The following CBLB variants were observed in gnomAD, a reference collection of about 807,000 sequenced individuals.
The protein encoded by CBLB is Cbl proto-oncogene B, also known as E3 ubiquitin-protein ligase CBL-B.
A neutral mutation model predicts 104.9 loss-of-function variants in CBLB; 31 were observed. That is an observed-to-expected ratio of 0.30 (90% CI 0.22 to 0.40). CBLB has a LOEUF of 0.40. Ranked by LOEUF, CBLB falls within the 10% of genes least tolerant of loss-of-function variation. The pLI, the probability that CBLB is intolerant of heterozygous loss-of-function variation, is 1.00. For missense variants in CBLB, 1,062 were observed against 1,214.6 expected (o/e 0.87, Z 1.87); for synonymous variants, 440 against 422.6 (o/e 1.04, Z -0.51).
In CBLB at chr3:105,713,106, T is replaced by C. The variant is rs544260117; in HGVS notation, c.1407+6941A>G. On this transcript the variant is annotated intron_variant, in intron 10 of 18. Coordinates refer to ENST00000394030, the MANE Select transcript of CBLB (RefSeq NM_170662.5). ...GCATTAGAGTGAGACCCCATCTTTGTTAATTTACTTTAAAAATAATATTAA... is the reference window on the plus strand; with the variant it reads ...GCATTAGAGTGAGACCCCATCTTTGCTAATTTACTTTAAAAATAATATTAA... Among the ~76,000 whole-genome samples the C allele has an allele frequency of 8.5e-4, 130 of 152,234 alleles. 1 individual carries two copies. The South Asian group carries it at 0.026, about 31-fold the overall frequency.
intron 2 of CBLB, among the ~76,000 whole-genome samples, chr3:105,862,390 G>A (rs1167741859): frequency 6.6e-6 from 1 of 151,902 alleles, no homozygotes; most frequent in Non-Finnish European, 1.5e-5. Context: ...GAGTCAACTA[G>A]GCTGAAAACC....
intron 4 of CBLB, among the ~76,000 whole-genome samples, chr3:105,760,033 T>C (rs1259815873): frequency 1.3e-5 from 2 of 152,218 alleles, no homozygotes; most frequent in Non-Finnish European, 2.9e-5. Flanking sequence ...AAATCTATAA[T>C]CATATTTTTA....
chr3:105,863,078 A>C (rs1375067483), intron 2 of CBLB, among the ~76,000 whole-genome samples: 1 of 152,244 alleles, frequency 6.6e-6, no homozygotes, highest in Non-Finnish European at 1.5e-5. Context: ...TAAAAAGAAG[A>C]AAGAAATAGA....
At chr3:105,792,801 A>G (rs1237762025) in intron 3 of CBLB, among the ~76,000 whole-genome samples, 1 of 152,110 alleles carries the variant, frequency 6.6e-6, no homozygotes, top group African/African-American at 2.4e-5. Flanking sequence ...TCCCTCAATA[A>G]TCTCCATCAA....
rs117832723 is a variant in CBLB, at chr3:105,774,092, G to A, written c.566+2304C>T. On this transcript the variant is annotated intron_variant, in intron 4 of 18. Transcript: ENST00000394030. ...CAAGAGGTGGTTAGATCTTGAGGGC[G>A]CTGCCCTCATGAATGGATTAATGGT... Among the ~76,000 whole-genome samples, 8 of 152,302 alleles carry A rather than the reference G, an allele frequency of 5.3e-5. No individual in the cohort carries two copies. The East Asian group carries it at 1.2e-3, about 22-fold the overall frequency.
intron 9 of CBLB, 150 bp from the exon 10 acceptor site, chr3:105,720,400 G>T: frequency 1.5e-6 from 1 of 672,494 alleles, no homozygotes; most frequent in South Asian, 1.7e-5. Context: ...AGTGGTAGTG[G>T]GTATAGAACA....
At chr3:105,782,578 CTTT>C (rs11333516) in intron 3 of CBLB, among the ~76,000 whole-genome samples, 8 of 137,480 alleles carry the variant, frequency 5.8e-5, no homozygotes, top group Admixed American at 7.3e-5. Flanking sequence ...CTTTTCTTTT[CTTT>C]TTTTTTTTTT....
At chr3:105,801,368 T>C (rs1269241434) in intron 3 of CBLB, among the ~76,000 whole-genome samples, 2 of 152,210 alleles carry the variant, frequency 1.3e-5, no homozygotes. Context: ...AAGCATATTT[T>C]TAATATTTTA....
intron 9 of CBLB, among the ~76,000 whole-genome samples, chr3:105,733,185 G>A (rs571008446): frequency 3.3e-5 from 5 of 151,980 alleles, no homozygotes; most frequent in South Asian, 4.2e-4. Flanking sequence ...GTGAAACCCC[G>A]TCTCTACTAA....
chr3:105,865,834 T>C (rs943878839), intron 2 of CBLB, among the ~76,000 whole-genome samples: 5 of 152,168 alleles, frequency 3.3e-5, no homozygotes, highest in African/African-American at 1.2e-4. Flanking sequence ...TCCACTTACG[T>C]AGCAGATAAG....
chr3:105,674,087 T>A (rs948408436), intron 17 of CBLB: 1 of 152,182 alleles, frequency 6.6e-6, no homozygotes, highest in Admixed American at 6.5e-5. Context: ...TTAAAGCAAA[T>A]CCCCAGGAGA....
intron 4 of CBLB, among the ~76,000 whole-genome samples, chr3:105,765,395 T>C (rs561615934): frequency 3.2e-4 from 49 of 152,254 alleles, no homozygotes; most frequent in African/African-American, 1.2e-3. Flanking sequence ...TGTGAGGATA[T>C]TGCAAAAAGA....
chr3:105,833,424 A>T (rs1229388516), intron 3 of CBLB, among the ~76,000 whole-genome samples: 1 of 152,220 alleles, frequency 6.6e-6, no homozygotes, highest in African/African-American at 2.4e-5. Context: ...TGATCAGTTA[A>T]AACTAAAGAC....
intron 8 of CBLB, among the ~76,000 whole-genome samples, chr3:105,736,449 T>C (rs149564681): frequency 3.9e-5 from 6 of 152,338 alleles, no homozygotes; most frequent in Non-Finnish European, 5.9e-5. Context: ...CAGTACAAGA[T>C]GCAGAAGTTC....
chr3:105,727,941 T>A (rs945295452), intron 9 of CBLB, among the ~76,000 whole-genome samples: 1 of 152,260 alleles, frequency 6.6e-6, no homozygotes, highest in African/African-American at 2.4e-5. Context: ...TTTTGGTTAC[T>A]GTAGCCTTGC....
At chr3:105,862,115 T>G (rs1179694574) in intron 2 of CBLB, among the ~76,000 whole-genome samples, 1 of 152,134 alleles carries the variant, frequency 6.6e-6, no homozygotes, top group South Asian at 2.1e-4. Flanking sequence ...AGAATTCAAT[T>G]ATCTGACTTT....
At chr3:105,800,870 G>A (rs1469585163) in intron 3 of CBLB, among the ~76,000 whole-genome samples, 2 of 152,062 alleles carry the variant, frequency 1.3e-5, no homozygotes, top group East Asian at 3.9e-4. Flanking sequence ...TACACAAATC[G>A]AATTTAGATA....
chr3:105,855,676 G>C (rs1360598682), intron 2 of CBLB, among the ~76,000 whole-genome samples: 1 of 152,114 alleles, frequency 6.6e-6, no homozygotes, highest in Non-Finnish European at 1.5e-5. Context: ...CCCAAAACTG[G>C]AAGTATATGC....
intron 3 of CBLB, among the ~76,000 whole-genome samples, chr3:105,789,405 T>TA (rs1339810163): frequency 1.1e-4 from 16 of 152,112 alleles, no homozygotes; most frequent in African/African-American, 2.7e-4. Flanking sequence ...TTTTCTCTGA[T>TA]AAAAAAACCA....
Sources: allele counts gnomAD v4.1 joint callset (sites outside exome capture counted in the v4.1 genomes callset), GRCh38; gene constraint gnomAD v4.1.1; transcripts MANE v1.5; gene names NCBI Gene and HGNC (gene_info 2026-07-23, HGNC 2026-07-21).